SRFBP1: variants seen among roughly 807,000 people sequenced by gnomAD.
SRFBP1 encodes serum response factor-binding protein 1.
Under a neutral mutation model 45.5 loss-of-function variants are expected in SRFBP1, and 47 were observed. That is an observed-to-expected ratio of 1.03 (90% CI 0.82 to 1.32). The LOEUF (loss-of-function observed/expected upper bound fraction) is 1.32, where lower values mean the gene tolerates loss of function less well. Among genes scored for constraint, SRFBP1 ranks in the 40% most tolerant of loss-of-function variants. SRFBP1 has a pLI of 0.00. For missense variants in SRFBP1, 621 were observed against 484.6 expected, an observed-to-expected ratio of 1.28 and a Z score of -2.64; for synonymous variants, 203 against 166.3, an observed-to-expected ratio of 1.22 and a Z score of -1.70.
chr5:121,989,287 C>T (rs1325310413), intron 3 of SRFBP1, among the ~76,000 whole-genome samples: 2 of 151,778 alleles, frequency 1.3e-5, no homozygotes, highest in African/African-American at 2.4e-5. Flanking sequence ...AGGATGGTCT[C>T]GATCTCCTGA....
intron 3 of SRFBP1, among the ~76,000 whole-genome samples, chr5:121,994,171 G>C (rs1186733493): frequency 6.6e-6 from 1 of 151,868 alleles, no homozygotes; most frequent in Non-Finnish European, 1.5e-5. Context: ...TTATGTAATA[G>C]TTGTGTTTTA....
rs542757819 is a variant in SRFBP1 at position 122,019,985 on chromosome 5, C to T, written c.353-103C>T. ...ATGTATTTAATATCAATTCCAACTGCCCTCTTAAATCTTTTCAAATAATTT... is the reference window on the plus strand; with the variant it reads ...ATGTATTTAATATCAATTCCAACTGTCCTCTTAAATCTTTTCAAATAATTT... On this transcript the variant is annotated intron_variant, in intron 5 of 7. Coordinates refer to ENST00000339397, the MANE Select transcript of SRFBP1 (RefSeq NM_152546.3). 7 of 681,188 alleles carry T rather than the reference C, an allele frequency of 1.0e-5. No individual in the cohort carries two copies. The South Asian group carries it at 2.1e-4, about 21-fold the overall frequency. The allele number at this position is 681,188 out of a possible 1,614,324, so 42.2% of individuals were successfully genotyped here.
At chr5:122,068,975 A>C (rs1027176575) in intron 2 of SRFBP1, among the ~76,000 whole-genome samples, 2 of 152,076 alleles carry the variant, frequency 1.3e-5, no homozygotes, top group African/African-American at 4.8e-5. Context: ...AACTCCACAC[A>C]ATATGGGCCA....
intron 3 of SRFBP1, among the ~76,000 whole-genome samples, chr5:121,983,859 T>C (rs537793234): frequency 1.3e-5 from 2 of 151,744 alleles, no homozygotes; most frequent in African/African-American, 4.8e-5. Flanking sequence ...TACTTTGTTT[T>C]ATTTTATTGT....
intron 2 of SRFBP1, among the ~76,000 whole-genome samples, chr5:122,047,300 G>A (rs575925686): frequency 6.6e-5 from 10 of 152,278 alleles, no homozygotes; most frequent in African/African-American, 2.2e-4. Flanking sequence ...TTATTAAATA[G>A]GGAATCGTTT....
At chr5:122,048,428 G>C (rs1258642970) in intron 2 of SRFBP1, among the ~76,000 whole-genome samples, 4 of 152,262 alleles carry the variant, frequency 2.6e-5, no homozygotes, top group East Asian at 3.9e-4. Context: ...TTTTTGATGT[G>C]CTATTGGATT....
downstream of SRFBP1, chr5:122,076,941 A>G: frequency 1.2e-6 from 2 of 1,613,938 alleles, no homozygotes; most frequent in Non-Finnish European, 8.5e-7. Context: ...GTACATGGAC[A>G]TCTTCTGCAC....
At chr5:121,982,670 A>C (rs1174828030) in intron 3 of SRFBP1, among the ~76,000 whole-genome samples, 1 of 151,850 alleles carries the variant, frequency 6.6e-6, no homozygotes, top group Non-Finnish European at 1.5e-5. Flanking sequence ...ATTACTATTT[A>C]CTGAGTCATA....
intron 4 of SRFBP1, among the ~76,000 whole-genome samples, chr5:122,016,241 G>C (rs1034597819): frequency 6.6e-6 from 1 of 152,116 alleles, no homozygotes; most frequent in African/African-American, 2.4e-5. Flanking sequence ...TAAGTCTTCT[G>C]TTTCTTGTCT....
rs1429904222 is a variant in SRFBP1 at position 121,993,347 on chromosome 5, CTG to C, written c.199-1248_199-1247del. The stretch of plus-strand genomic sequence containing the variant: ...TATAAATCATGCTTCATTTTAAAAC[CTG>C]TGTTTCTCATACCTAGAAGATTCTG... On this transcript the variant is annotated intron_variant, in intron 3 of 7. Coordinates refer to ENST00000339397, the MANE Select transcript of SRFBP1 (RefSeq NM_152546.3). Among the ~76,000 whole-genome samples the C allele has an allele frequency of 7.2e-5, 11 of 152,210 alleles. No homozygotes were observed. The South Asian group carries it at 2.3e-3, about 32-fold the overall frequency.
Position 121,962,038 on chromosome 5 carries a change from TCAG to T in SRFBP1, c.8_10del (p.Gln3del). ...ATCATATTCCTTCATCTACCATGGC[TCAG>T]CCGGGAACTCTGAACCTCAATAACG... On this transcript the variant is annotated inframe_deletion, in exon 1 of 8. Transcript: ENST00000339397. The T allele has an allele frequency of 6.2e-7, 1 of 1,614,052 alleles. No homozygotes were observed. Among genetic ancestry groups the T allele is most frequent in the Non-Finnish European group, 8.5e-7 (1 of 1,180,014 alleles).
At position 122,026,932 on chromosome 5, in the gene SRFBP1, C is replaced by G. The variant is rs939944751; in HGVS notation, c.1106-10C>G. The G allele has an allele frequency of 3.2e-6, 5 of 1,586,816 alleles. No individual in the cohort carries two copies. Among genetic ancestry groups the G allele is most frequent in the Non-Finnish European group, 4.3e-6 (5 of 1,167,142 alleles). On this transcript the variant is annotated splice_polypyrimidine_tract_variant and intron_variant, in intron 7 of 7. Transcript: ENST00000339397. The stretch of plus-strand genomic sequence containing the variant: ...ATATAGTTATTATTATTTTTGCTTT[C>G]TCTTCCTAGATTTTCCACAGAATGA...
At chr5:122,078,524 C>T (rs1181397166), downstream of SRFBP1, among the ~76,000 whole-genome samples, 1 of 152,106 alleles carries the variant, frequency 6.6e-6, no homozygotes, top group Admixed American at 6.5e-5. Flanking sequence ...GGCGAACATG[C>T]AGGAATTTCA....
At chr5:122,049,025 T>C (rs1753917873) in intron 2 of SRFBP1, among the ~76,000 whole-genome samples, 1 of 118,540 alleles carries the variant, frequency 8.4e-6, no homozygotes, top group South Asian at 2.8e-4. Flanking sequence ...TTTTGAAGGG[T>C]TTTTTTGTGT....
chr5:122,064,853 T>A (rs1160503638), intron 2 of SRFBP1: 1 of 152,066 alleles, frequency 6.6e-6, no homozygotes, highest in East Asian at 1.9e-4. Context: ...CATGATGATA[T>A]TGCCTAGTTT....
intron 4 of SRFBP1, among the ~76,000 whole-genome samples, chr5:122,010,442 A>G (rs1034964618): frequency 3.3e-5 from 5 of 152,158 alleles, no homozygotes; most frequent in African/African-American, 1.2e-4. Context: ...GTTTTAATTG[A>G]AGATTAACAT....
chr5:121,999,859 G>A (rs996596612), intron 4 of SRFBP1, among the ~76,000 whole-genome samples: 2 of 151,938 alleles, frequency 1.3e-5, no homozygotes, highest in African/African-American at 2.4e-5. Context: ...AAAATCAATA[G>A]CATATACTTG....
rs1318706197 is a variant in SRFBP1 at position 122,020,930 on chromosome 5, C to CCT, written c.1067+132_1067+133dup. On this transcript the variant is annotated intron_variant, in intron 6 of 7. Transcript: ENST00000339397. ...AACCCATCCTGTTTTTAGACATGGCCCTCTCCAAGGTTGTAGTGGGGTATT... is the reference window on the plus strand; with the variant it reads ...AACCCATCCTGTTTTTAGACATGGCCCTCTCTCCAAGGTTGTAGTGGGGTATT... 4.8e-6 allele frequency: 4 copies of CCT among 831,798 alleles called. No homozygotes were observed. In the East Asian group the frequency reaches 1.2e-4, roughly 24 times the overall value. 51.5% of individuals were successfully genotyped at this position (831,798 alleles called of 1,614,324 possible). A position where few individuals can be genotyped will look rare whatever the true frequency, so the allele number is the denominator to read the frequency against.
intron 2 of SRFBP1, chr5:122,066,501 A>G (rs966387793): frequency 4.0e-5 from 17 of 421,842 alleles, no homozygotes; most frequent in African/African-American, 8.0e-5. Flanking sequence ...ACAGAATTGA[A>G]ACACTGTGTT....
Sources: allele counts gnomAD v4.1 joint callset (sites outside exome capture counted in the v4.1 genomes callset), GRCh38; gene constraint gnomAD v4.1.1; transcripts MANE v1.5; gene names NCBI Gene and HGNC (gene_info 2026-07-23, HGNC 2026-07-21).